DIS3L: variants seen among roughly 807,000 people sequenced by gnomAD.
The protein encoded by DIS3L is DIS3 like exosome 3'-5' exoribonuclease.
A neutral mutation model predicts 120.3 loss-of-function variants in DIS3L; 100 were observed. That is an observed-to-expected ratio of 0.83 (90% CI 0.71 to 0.98). DIS3L has a LOEUF of 0.98. Among genes scored for constraint, DIS3L ranks in the 50% least tolerant of loss-of-function variants. DIS3L has a pLI of 0.00. For missense variants in DIS3L, 1,196 were observed against 1,314.2 expected (o/e 0.91, Z 1.39); for synonymous variants, 426 against 470.6 (o/e 0.91, Z 1.23).
intron 2 of DIS3L, among the ~76,000 whole-genome samples, chr15:66,303,116 G>A (rs559452958): frequency 6.6e-6 from 1 of 152,278 alleles, no homozygotes; most frequent in East Asian, 1.9e-4. Flanking sequence ...ATGTGTCAGG[G>A]TTCACCCATG....
chr15:66,325,313 G>C (rs2092924388), intron 11 of DIS3L, among the ~76,000 whole-genome samples: 1 of 152,118 alleles, frequency 6.6e-6, no homozygotes, highest in Non-Finnish European at 1.5e-5. Flanking sequence ...AGAATCACTT[G>C]AACCAGGAAG....
At chr15:66,323,423 C>A in intron 10 of DIS3L, 70 bp from the exon 11 acceptor site, 2 of 1,520,334 alleles carry the variant, frequency 1.3e-6, no homozygotes, top group South Asian at 1.1e-5. Flanking sequence ...TACCTCCCTG[C>A]GGCCCACACA....
At chr15:66,310,514 G>A (rs2092750106) in intron 4 of DIS3L, among the ~76,000 whole-genome samples, 1 of 152,192 alleles carries the variant, frequency 6.6e-6, no homozygotes, top group Non-Finnish European at 1.5e-5. Flanking sequence ...AGATGAAAGG[G>A]AAGCCTAGAA....
In DIS3L at chr15:66,320,694, G is replaced by C. The variant is rs1351252250; in HGVS notation, c.1288G>C (p.Glu430Gln). 1 of 1,614,076 alleles carries C rather than the reference G, an allele frequency of 6.2e-7. No homozygotes were observed. Among genetic ancestry groups the C allele is most frequent in the Admixed American group, 1.7e-5 (1 of 60,006 alleles). Residue 430 changes from glutamate to glutamine, a missense_variant, in exon 9 of 17, where the codon GAA becomes CAA. Glu to Gln is a conservative substitution (Grantham distance 29, BLOSUM62 2). Transcript: ENST00000319212. ...AGGGGAAATTGCAACCATCCTGGTG[G>C]AAAACAGTATTTCAGTTATTCCTTT... is the stretch of plus-strand genomic sequence containing the variant. ...LEGEIATILV[E>Q]NSISVIPFSE...
In DIS3L at chr15:66,331,999, G is replaced by T; in HGVS notation, c.2660G>T (p.Gly887Val). 1 of 1,610,698 alleles carries T rather than the reference G, an allele frequency of 6.2e-7. No individual in the cohort carries two copies. Among genetic ancestry groups the T allele is most frequent in the Non-Finnish European group, 8.5e-7 (1 of 1,179,200 alleles). The change falls in exon 15 of 17, where the codon GGT becomes GTT. Residue 887 changes from glycine to valine, a missense_variant. Gly to Val is a moderately radical substitution (Grantham distance 109). Coordinates refer to ENST00000319212, the MANE Select transcript of DIS3L (RefSeq NM_001143688.3). Reference sequence around the variant, plus strand: ...GTTATTTATTCAATTAGAACAAATGGTGTGCTTCTATTTATACCAAGGTAT... The same window carrying T: ...GTTATTTATTCAATTAGAACAAATGTTGTGCTTCTATTTATACCAAGGTAT... ...DGVIYSIRTN[G>V]VLLFIPRFGI...
At chr15:66,313,137 A>C (rs2092779422) in intron 5 of DIS3L, among the ~76,000 whole-genome samples, 1 of 152,094 alleles carries the variant, frequency 6.6e-6, no homozygotes, top group South Asian at 2.1e-4. Flanking sequence ...CTGGGATTAC[A>C]GGCACACGCC....
chr15:66,328,675 T>G (rs2092963979), intron 12 of DIS3L, among the ~76,000 whole-genome samples: 1 of 152,260 alleles, frequency 6.6e-6, no homozygotes, highest in Non-Finnish European at 1.5e-5. Context: ...AGAATTCAAT[T>G]CAACGAGTAT....
Position 66,314,262 on chromosome 15 carries a change from G to T in DIS3L, c.814+145G>T, listed in dbSNP as rs2092794601. The stretch of plus-strand genomic sequence containing the variant: ...TTGGGTATGTGAGATTGTGGCGGGG[G>T]GTGGTTCCCCTAGCTTTTTGTCTAT... On this transcript the variant is annotated intron_variant, in intron 6 of 16. Coordinates refer to ENST00000319212, the MANE Select transcript of DIS3L (RefSeq NM_001143688.3). The T allele has an allele frequency of 2.6e-5, 14 of 543,550 alleles. No individual in the cohort carries two copies. The East Asian group carries it at 5.1e-4, about 20-fold the overall frequency. 33.7% of individuals were successfully genotyped at this position (543,550 alleles called of 1,614,324 possible). A position where few individuals can be genotyped will look rare whatever the true frequency, so the allele number is the denominator to read the frequency against.
In DIS3L at chr15:66,323,728, G is replaced by A. The variant is rs1229922397; in HGVS notation, c.1667+143G>A. 7 of 749,552 alleles carry A rather than the reference G, an allele frequency of 9.3e-6. 1 individual carries two copies. The highest frequency in any genetic ancestry group is 5.3e-5 in the East Asian group (2 of 37,670). The allele number at this position is 749,552 out of a possible 1,614,324, so 46.4% of individuals were successfully genotyped here. On this transcript the variant is annotated intron_variant, in intron 11 of 16. Transcript: ENST00000319212. ...CCTCTGACCTCTCAACCTCACCCCC[G>A]ACCCCAACCCCACACCACTTATCTT...
At chr15:66,322,971 A>T in intron 10 of DIS3L, 37 bp downstream of exon 10, 1 of 1,605,754 alleles carries the variant, frequency 6.2e-7, no homozygotes, top group Non-Finnish European at 8.5e-7. Flanking sequence ...GGTTGTGTGT[A>T]TGTGACTGGA....
chr15:66,293,697 ACAGCCCGCTCTGCCCG>A lies in DIS3L; in HGVS notation c.110_125del (p.Leu37ProfsTer14). ...TACCTGCGGCCCTGCGTGCCCTGCCACAGCCCGCTCTGCCCGCAGCCCGCCGCCTGCAGCCACGGTC... is the reference window on the plus strand; with the variant it reads ...TACCTGCGGCCCTGCGTGCCCTGCCACAGCCCGCCGCCTGCAGCCACGGTC... On this transcript the variant is annotated frameshift_variant, in exon 1 of 17. Transcript: ENST00000319212. LOFTEE classifies it high-confidence loss of function. 1.4e-6 allele frequency: 2 copies of A among 1,380,242 alleles called. No homozygotes were observed. Among genetic ancestry groups the A allele is most frequent in the Non-Finnish European group, 9.4e-7 (1 of 1,060,440 alleles). The allele number at this position is 1,380,242 out of a possible 1,614,324, so 85.5% of individuals were successfully genotyped here. A position where few individuals can be genotyped will look rare whatever the true frequency, so the allele number is the denominator to read the frequency against.
chr15:66,328,389 T>A (rs572602681), intron 12 of DIS3L, among the ~76,000 whole-genome samples: 1 of 152,190 alleles, frequency 6.6e-6, no homozygotes, highest in Admixed American at 6.5e-5. Context: ...TTCCTGGGGC[T>A]TTGAAATTAT....
chr15:66,304,969 TAG>T (rs2092688204), intron 2 of DIS3L, among the ~76,000 whole-genome samples: 1 of 150,886 alleles, frequency 6.6e-6, no homozygotes, highest in Non-Finnish European at 1.5e-5. Context: ...GACTCAAAAT[TAG>T]AATTACTAAG....
At position 66,293,707 on chromosome 15, in the gene DIS3L, C is replaced by A; in HGVS notation, c.111C>A (p.Leu37=). 5.2e-6 allele frequency: 7 copies of A among 1,346,634 alleles called. No individual in the cohort carries two copies. The highest frequency in any genetic ancestry group is 6.7e-6 in the Non-Finnish European group (7 of 1,043,372). The allele number at this position is 1,346,634 out of a possible 1,614,324, so 83.4% of individuals were successfully genotyped here. The part of the protein sequence containing the change: ...LRPCVPCHSP[L]CPQPAACSHD... ...CCTGCGTGCCCTGCCACAGCCCGCT[C>A]TGCCCGCAGCCCGCCGCCTGCAGCC... The change falls in exon 1 of 17, where the codon CTC becomes CTA. Residue 37 remains leucine, a synonymous_variant. Transcript: ENST00000319212.
intron 5 of DIS3L, among the ~76,000 whole-genome samples, chr15:66,312,669 AT>A (rs1403539610): frequency 2.0e-5 from 3 of 152,138 alleles, no homozygotes; most frequent in Non-Finnish European, 4.4e-5. Context: ...ATCAGATACA[AT>A]TTTTATTCAG....
chr15:66,300,539 AT>A (rs1405016067), intron 2 of DIS3L, among the ~76,000 whole-genome samples: 3 of 152,222 alleles, frequency 2.0e-5, no homozygotes, highest in Non-Finnish European at 4.4e-5. Flanking sequence ...TTAAGGGCAA[AT>A]TTTATGGTAT....
intron 4 of DIS3L, 51 bp downstream of exon 4, chr15:66,308,895 C>T (rs2092727761): frequency 1.3e-6 from 2 of 1,561,252 alleles, no homozygotes; most frequent in Non-Finnish European, 1.7e-6. Context: ...AAGTAGTACC[C>T]ATAAGGCTCT....
intron 5 of DIS3L, among the ~76,000 whole-genome samples, chr15:66,312,257 T>C (rs2092770641): frequency 6.6e-6 from 1 of 151,822 alleles, no homozygotes; most frequent in African/African-American, 2.4e-5. Flanking sequence ...CAGTATGTTT[T>C]CTCCTCTTTT....
At chr15:66,330,383 A>G (rs1450370506) in intron 14 of DIS3L, 1 of 985,106 alleles carries the variant, frequency 1.0e-6, no homozygotes, top group African/African-American at 1.7e-5. Context: ...ATGTTATATC[A>G]TTGTTTTGAA....
Sources: gnomAD v4.1 joint callset for allele counts (sites outside exome capture counted in the v4.1 genomes callset) on GRCh38, gnomAD v4.1.1 for gene constraint, MANE v1.5 for transcripts, NCBI Gene and HGNC (gene_info 2026-07-23, HGNC 2026-07-21) for gene names.